Variants in ERCC6 observed in about 807,000 individuals in gnomAD.
ERCC6 encodes DNA excision repair protein ERCC-6.
A neutral mutation model predicts 158.7 loss-of-function variants in ERCC6; 116 were observed. The observed-to-expected ratio is 0.73, with a 90% CI of 0.63 to 0.85. The LOEUF (loss-of-function observed/expected upper bound fraction) is 0.85, where lower values mean the gene tolerates loss of function less well. Among genes scored for constraint, ERCC6 ranks in the 40% least tolerant of loss-of-function variants. The probability of loss-of-function intolerance (pLI) is 0.00; values close to 1 mark genes in which losing one functional copy is unlikely to be tolerated. For missense variants in ERCC6, 1,698 were observed against 1,799.4 expected (o/e 0.94, Z 1.02); for synonymous variants, 678 against 659.3 (o/e 1.03, Z -0.43).
the ERCC6 span, among the ~76,000 whole-genome samples, chr10:49,446,768 C>T: frequency 6.6e-6 from 1 of 152,144 alleles, no homozygotes; most frequent in African/African-American, 2.4e-5. Context: ...GAGCTATGAT[C>T]GTGCCACTGC....
Position 49,461,369 on chromosome 10 carries a change from A to G in ERCC6, c.3966T>C (p.Gly1322=). 6.2e-7 allele frequency: 1 copy of G among 1,613,372 alleles called. No individual in the cohort carries two copies. Among genetic ancestry groups the G allele is most frequent in the South Asian group, 1.1e-5 (1 of 91,048 alleles). The change falls in exon 19 of 21, where the codon GGT becomes GGC. Residue 1322 remains glycine (G), a synonymous_variant. Transcript: ENST00000355832. ...PTWTGHRGIS[G]APAGKKSRFG... Reference sequence around the variant, plus strand: ...TCTCTTACTTTTTTCCTGCTGGTGCACCAGAAATCCCCCTGTGGCCAGTCC... The same window carrying G: ...TCTCTTACTTTTTTCCTGCTGGTGCGCCAGAAATCCCCCTGTGGCCAGTCC...
At chr10:49,491,882 T>C (rs1851179231) in intron 8 of ERCC6, among the ~76,000 whole-genome samples, 1 of 152,158 alleles carries the variant, frequency 6.6e-6, no homozygotes, top group African/African-American at 2.4e-5. Context: ...GAACCACAAA[T>C]GTTTTACAAG....
chr10:49,475,786 T>C (rs2132543726), intron 12 of ERCC6, among the ~76,000 whole-genome samples: 1 of 152,266 alleles, frequency 6.6e-6, no homozygotes, highest in East Asian at 1.9e-4. Flanking sequence ...TTCATAAACA[T>C]TTATTGGGGA....
chr10:49,516,750 T>G (rs1478541137), intron 5 of ERCC6: 1 of 1,614,158 alleles, frequency 6.2e-7, no homozygotes. Context: ...TGCTACGGGT[T>G]GTACAGTTAG....
At chr10:49,535,537 GTGTC>G (rs1252982454) in intron 1 of ERCC6, among the ~76,000 whole-genome samples, 13 of 152,198 alleles carry the variant, frequency 8.5e-5, no homozygotes, top group African/African-American at 2.9e-4. Flanking sequence ...CCAGCTCAGA[GTGTC>G]TGTACTAGCT....
At chr10:49,500,481 A>C in intron 7 of ERCC6, 57 bp downstream of exon 7, 1 of 1,556,702 alleles carries the variant, frequency 6.4e-7, no homozygotes, top group Non-Finnish European at 8.8e-7. Flanking sequence ...ACAGCAATAC[A>C]TCTGATGAAA....
intron 10 of ERCC6, among the ~76,000 whole-genome samples, chr10:49,480,359 G>A (rs1285481169): frequency 6.6e-6 from 1 of 152,134 alleles, no homozygotes; most frequent in Admixed American, 6.5e-5. Context: ...TACCTTCATG[G>A]GAAGGTTCTG....
At chr10:49,473,141 G>T in intron 14 of ERCC6, 113 bp from the exon 15 acceptor site, 3 of 1,406,670 alleles carry the variant, frequency 2.1e-6, no homozygotes, top group Non-Finnish European at 3.0e-6. Context: ...CCAATATAAG[G>T]AATGGTAATG....
At chr10:49,448,687 T>C in the ERCC6 span, among the ~76,000 whole-genome samples, 104 of 152,332 alleles carry the variant, frequency 6.8e-4, 1 homozygote, top group African/African-American at 2.4e-3. Context: ...CCTGTTTCTA[T>C]AGATTTCCCT....
At chr10:49,503,091 C>G (rs1466801665) in intron 6 of ERCC6, 1 of 152,204 alleles carries the variant, frequency 6.6e-6, no homozygotes, top group African/African-American at 2.4e-5. Flanking sequence ...TAGTGTATTA[C>G]TCCTACACCA....
chr10:49,443,580 C>T, the ERCC6 span, among the ~76,000 whole-genome samples: 1 of 152,204 alleles, frequency 6.6e-6, no homozygotes, highest in Non-Finnish European at 1.5e-5. Flanking sequence ...ATGTCTTAGG[C>T]CTTCACATTC....
At chr10:49,515,648 G>A (rs1197510974) in intron 5 of ERCC6, 2 of 1,613,942 alleles carry the variant, frequency 1.2e-6, no homozygotes, top group African/African-American at 1.3e-5. Context: ...GTTCGAAACA[G>A]AACAAAAGAG....
chr10:49,462,689 A>G (rs1195178327), intron 18 of ERCC6, among the ~76,000 whole-genome samples: 3 of 152,196 alleles, frequency 2.0e-5, no homozygotes, highest in Non-Finnish European at 2.9e-5. Context: ...AAGTTCACAG[A>G]AAGAAAAATT....
In ERCC6 at chr10:49,460,362, A is replaced by G; in HGVS notation, c.4062+11T>C. The G allele has an allele frequency of 6.3e-7, 1 of 1,595,162 alleles. No individual in the cohort carries two copies. Among genetic ancestry groups the G allele is most frequent in the Non-Finnish European group, 8.6e-7 (1 of 1,162,704 alleles). ...TCTCACCCTGGAAAGCAAAAAGGTTATCTATATTACCTGGCACTTCTCTGT... is the reference window on the plus strand; with the variant it reads ...TCTCACCCTGGAAAGCAAAAAGGTTGTCTATATTACCTGGCACTTCTCTGT... On this transcript the variant is annotated intron_variant, in intron 20 of 20. Coordinates refer to ENST00000355832, the MANE Select transcript of ERCC6 (RefSeq NM_000124.4).
At chr10:49,464,439 G>C (rs1850637023) in intron 18 of ERCC6, among the ~76,000 whole-genome samples, 1 of 152,200 alleles carries the variant, frequency 6.6e-6, no homozygotes, top group South Asian at 2.1e-4. Flanking sequence ...CAATGTGATA[G>C]GAAAGAAAAC....
chr10:49,460,591 T>C, intron 19 of ERCC6, 140 bp from the exon 20 acceptor site: 1 of 699,006 alleles, frequency 1.4e-6, no homozygotes, highest in Non-Finnish European at 2.5e-6. Flanking sequence ...CCATTTCTGC[T>C]CTATCCCCCT....
Position 49,502,909 on chromosome 10 carries a change from G to A in ERCC6, c.1527-2213C>T, listed in dbSNP as rs190147988. 12 of 152,116 alleles carry A rather than the reference G, an allele frequency of 7.9e-5. No individual in the cohort carries two copies. In the East Asian group the frequency reaches 2.1e-3, roughly 27 times the overall value. 9.4% of individuals were successfully genotyped at this position (152,116 alleles called of 1,614,324 possible). A position where few individuals can be genotyped will look rare whatever the true frequency, so the allele number is the denominator to read the frequency against. ...GCTGGTTCATGAACTGGCTACACTA[G>A]AATAATCTCAACTTTTGAAAAAGAC... On this transcript the variant is annotated intron_variant, in intron 6 of 20. Transcript: ENST00000355832.
chr10:49,530,882 A>T (rs1255044174), intron 2 of ERCC6, 42 bp from the exon 3 acceptor site: 1 of 1,607,006 alleles, frequency 6.2e-7, no homozygotes, highest in Non-Finnish European at 8.5e-7. Context: ...CTCTGATAAC[A>T]TTTTTATAGC....
At chr10:49,522,190 GTCTT>G (rs1303750918) in intron 5 of ERCC6, among the ~76,000 whole-genome samples, 2 of 152,104 alleles carry the variant, frequency 1.3e-5, no homozygotes, top group South Asian at 4.1e-4. Flanking sequence ...AACCCTAAAG[GTCTT>G]TCTGTTTCTC....
Sources: gnomAD v4.1 joint callset for allele counts (sites outside exome capture counted in the v4.1 genomes callset) on GRCh38, gnomAD v4.1.1 for gene constraint, MANE v1.5 for transcripts, NCBI Gene and HGNC (gene_info 2026-07-23, HGNC 2026-07-21) for gene names.